The following PTGFR variants were observed in gnomAD, a reference collection of about 807,000 sequenced individuals.
PTGFR encodes the protein prostaglandin F2-alpha receptor.
A neutral mutation model predicts 26.2 loss-of-function variants in PTGFR; 15 were observed. The observed-to-expected ratio is 0.57, with a 90% CI of 0.38 to 0.88. The LOEUF is 0.88. Ranked by LOEUF, PTGFR falls within the 40% of genes least tolerant of loss-of-function variation. PTGFR has a pLI of 0.00. For missense variants in PTGFR, 369 were observed against 427.2 expected (o/e 0.86, Z 1.20); for synonymous variants, 165 against 151.1 (o/e 1.09, Z -0.68).
At chr1:78,496,918 T>A (rs984152824) in intron 2 of PTGFR, among the ~76,000 whole-genome samples, 5 of 135,306 alleles carry the variant, frequency 3.7e-5, no homozygotes, top group East Asian at 2.5e-4. Context: ...ATTATTAATA[T>A]CTTGCTTTGT....
intron 2 of PTGFR, among the ~76,000 whole-genome samples, chr1:78,532,763 T>C (rs781122677): frequency 1.7e-4 from 26 of 151,928 alleles, no homozygotes; most frequent in Admixed American, 1.4e-3. Flanking sequence ...GTCACAGATA[T>C]GTCACTGTAA....
intron 2 of PTGFR, among the ~76,000 whole-genome samples, chr1:78,501,620 C>T (rs533476773): frequency 2.6e-4 from 39 of 152,042 alleles, no homozygotes; most frequent in East Asian, 1.5e-3. Context: ...GGAGTGTGGC[C>T]GTGGTGTGAT....
At chr1:78,536,148 T>C (rs1325810802) in intron 2 of PTGFR, among the ~76,000 whole-genome samples, 1 of 152,186 alleles carries the variant, frequency 6.6e-6, no homozygotes, top group African/African-American at 2.4e-5. Flanking sequence ...TTGTTCTCCC[T>C]TAGGTGATTC....
chr1:78,526,485 C>G (rs1210301141), intron 2 of PTGFR, among the ~76,000 whole-genome samples: 1 of 152,054 alleles, frequency 6.6e-6, no homozygotes, highest in African/African-American at 2.4e-5. Flanking sequence ...ACCATAGCCA[C>G]AGACATCCAG....
rs1267018270 is a variant in PTGFR, at chr1:78,538,782, T to C, written c.*2095T>C. 1 of 152,044 alleles carries C rather than the reference T, an allele frequency of 6.6e-6. No homozygotes were observed. Among genetic ancestry groups the C allele is most frequent in the African/African-American group, 2.4e-5 (1 of 41,416 alleles). The allele number at this position is 152,044 out of a possible 1,614,324, so 9.4% of individuals were successfully genotyped here. On this transcript the variant is annotated 3_prime_UTR_variant, in exon 3 of 3. Coordinates refer to ENST00000370757, the MANE Select transcript of PTGFR (RefSeq NM_000959.4). ...AGGTTTCTGGAAATAAATAGTAAAA[T>C]AAATGGCACAAATAGTTTCAATAAA...
chr1:78,526,105 G>A (rs1650366319), intron 2 of PTGFR, among the ~76,000 whole-genome samples: 1 of 151,890 alleles, frequency 6.6e-6, no homozygotes, highest in East Asian at 1.9e-4. Flanking sequence ...AAACAAACAA[G>A]TGAAAAAAAG....
chr1:78,515,629 T>G (rs1481465858), intron 2 of PTGFR, among the ~76,000 whole-genome samples: 1 of 152,262 alleles, frequency 6.6e-6, no homozygotes, highest in Admixed American at 6.5e-5. Context: ...TTTGTCTTTA[T>G]TTACACATGT....
chr1:78,492,214 C>T (rs982409515), intron 1 of PTGFR, among the ~76,000 whole-genome samples: 3 of 152,224 alleles, frequency 2.0e-5, no homozygotes, highest in African/African-American at 2.4e-5. Flanking sequence ...GTCTGCCTGA[C>T]AAGCAGGTCG....
intron 2 of PTGFR, among the ~76,000 whole-genome samples, chr1:78,518,587 C>T (rs1570286937): frequency 9.8e-6 from 1 of 102,516 alleles, no homozygotes; most frequent in Admixed American, 1.1e-4. Flanking sequence ...CACACACACA[C>T]ACACACACAC....
At chr1:78,531,672 C>T (rs1482043549) in intron 2 of PTGFR, among the ~76,000 whole-genome samples, 2 of 151,908 alleles carry the variant, frequency 1.3e-5, no homozygotes, top group African/African-American at 2.4e-5. Flanking sequence ...TACCTTAAAT[C>T]CAACTTGACT....
chr1:78,516,215 G>A (rs141710102), intron 2 of PTGFR, among the ~76,000 whole-genome samples: 118 of 152,228 alleles, frequency 7.8e-4, no homozygotes, highest in Admixed American at 1.8e-3. Flanking sequence ...TTTGTAGAAC[G>A]TAGATTTCCT....
rs1428027035 is a variant in PTGFR, at chr1:78,536,427, AT to A, written c.821del (p.Ile274LysfsTer26). The A allele has an allele frequency of 6.2e-7, 1 of 1,611,972 alleles. No homozygotes were observed. Among genetic ancestry groups the A allele is most frequent in the East Asian group, 2.2e-5 (1 of 44,812 alleles). On this transcript the variant is annotated frameshift_variant, in exon 3 of 3. Transcript: ENST00000370757. LOFTEE classifies it high-confidence loss of function. ...PFLVTMANIG[I>X]NGNHSLETCE... ...CTAGGTTACAATGGCCAACATTGGA[AT>A]AAATGGAAATCATTCTCTGGAAACC...
At chr1:78,514,572 C>A (rs1458194474) in intron 2 of PTGFR, among the ~76,000 whole-genome samples, 1 of 151,974 alleles carries the variant, frequency 6.6e-6, no homozygotes, top group African/African-American at 2.4e-5. Flanking sequence ...GGACTTGGGA[C>A]TTTCGAGTTA....
chr1:78,519,091 T>C (rs1650164000), intron 2 of PTGFR, among the ~76,000 whole-genome samples: 1 of 152,168 alleles, frequency 6.6e-6, no homozygotes, highest in Admixed American at 6.6e-5. Context: ...GCACTTACTA[T>C]ATGCAAAGAT....
In PTGFR at chr1:78,514,454, G is replaced by A. The variant is rs553277881; in HGVS notation, c.798+20913G>A. Reference sequence around the variant, plus strand: ...TTGGCCTATTTCTCCCTTTTGGAATGGGAATGTAAACCCAATGTCTGTATA... The same window carrying A: ...TTGGCCTATTTCTCCCTTTTGGAATAGGAATGTAAACCCAATGTCTGTATA... On this transcript the variant is annotated intron_variant, in intron 2 of 2. Coordinates refer to ENST00000370757, the MANE Select transcript of PTGFR (RefSeq NM_000959.4). Among the ~76,000 whole-genome samples the A allele has an allele frequency of 2.0e-5, 3 of 152,274 alleles. No individual in the cohort carries two copies. In the South Asian group the frequency reaches 6.2e-4, roughly 32 times the overall value.
At position 78,491,240 on chromosome 1, in the gene PTGFR, C is replaced by T. The variant is rs556213576; in HGVS notation, c.-73+4C>T. 10 of 152,418 alleles carry T rather than the reference C, an allele frequency of 6.6e-5. No homozygotes were observed. The East Asian group carries it at 9.7e-4, about 15-fold the overall frequency. 9.4% of individuals were successfully genotyped at this position (152,418 alleles called of 1,614,324 possible). A position where few individuals can be genotyped will look rare whatever the true frequency, so the allele number is the denominator to read the frequency against. ...GCTGGCGGCCTGGGATGACAAGGTA[C>T]CATCCCTCCAGAGGCTGATCCCAAT... On this transcript the variant is annotated splice_donor_region_variant and intron_variant, in intron 1 of 2. Coordinates refer to ENST00000370757, the MANE Select transcript of PTGFR (RefSeq NM_000959.4).
intron 2 of PTGFR, among the ~76,000 whole-genome samples, chr1:78,534,830 G>T (rs1041243720): frequency 6.6e-6 from 1 of 152,066 alleles, no homozygotes; most frequent in Admixed American, 6.6e-5. Flanking sequence ...TTTATCTTCT[G>T]TTGGATACTT....
At chr1:78,510,166 T>A (rs1247539130) in intron 2 of PTGFR, among the ~76,000 whole-genome samples, 58 of 152,296 alleles carry the variant, frequency 3.8e-4, no homozygotes, top group Admixed American at 6.5e-4. Flanking sequence ...GCTATCCCTC[T>A]CCTCTAGAAG....
intron 2 of PTGFR, among the ~76,000 whole-genome samples, chr1:78,530,026 C>G (rs1230365631): frequency 6.6e-6 from 1 of 152,022 alleles, no homozygotes; most frequent in African/African-American, 2.4e-5. Context: ...GTCTCTGGTG[C>G]CAAAAAGGTT....
Sources: gnomAD v4.1 joint callset for allele counts (sites outside exome capture counted in the v4.1 genomes callset) on GRCh38, gnomAD v4.1.1 for gene constraint, MANE v1.5 for transcripts, NCBI Gene and HGNC (gene_info 2026-07-23, HGNC 2026-07-21) for gene names.